Variants in CEP68 observed in about 807,000 individuals in gnomAD.
CEP68 encodes the protein centrosomal protein 68, also known as centrosomal protein of 68 kDa.
A neutral mutation model predicts 55.3 loss-of-function variants in CEP68; 26 were observed. The observed-to-expected ratio is 0.47, with a 90% CI of 0.34 to 0.65. CEP68 has a LOEUF of 0.65. Among genes scored for constraint, CEP68 ranks in the 30% least tolerant of loss-of-function variants. CEP68 has a pLI of 0.01. For synonymous variants in CEP68, 402 were observed against 383.2 expected (o/e 1.05, Z -0.57); for missense variants, 957 against 946.7 (o/e 1.01, Z -0.14).
intron 3 of CEP68, 74 bp downstream of exon 3, chr2:65,073,054 T>G (rs775718414): frequency 7.9e-6 from 12 of 1,518,056 alleles, no homozygotes; most frequent in African/African-American, 1.4e-5. Flanking sequence ...AACATCATAA[T>G]AAAACATGTT....
chr2:65,072,127 C>T lies in CEP68; in HGVS notation c.1031C>T (p.Ala344Val). The T allele has an allele frequency of 6.2e-7, 1 of 1,614,126 alleles. No homozygotes were observed. Among genetic ancestry groups the T allele is most frequent in the Non-Finnish European group, 8.5e-7 (1 of 1,180,020 alleles). Reference protein sequence around the residue: ...VDLDSFSVSPASTLKSPTNVS... With the variant: ...VDLDSFSVSPVSTLKSPTNVS... ...CTGGATAGCTTCTCTGTCTCTCCAG[C>T]AAGCACCCTCAAATCACCTACTAAT... The change falls in exon 3 of 7, where the codon GCA becomes GTA. Residue 344 changes from alanine to valine, a missense_variant. Physicochemically the swap from Ala to Val is moderately conservative, Grantham distance 64. Transcript: ENST00000377990.
chr2:65,080,889 C>G (rs1676979524), intron 5 of CEP68, among the ~76,000 whole-genome samples: 1 of 152,056 alleles, frequency 6.6e-6, no homozygotes, highest in Non-Finnish European at 1.5e-5. Flanking sequence ...TGACATCGCA[C>G]AAGAAGACTG....
rs747661116 is a variant in CEP68, at chr2:65,064,670, C to CT, written c.-46-4727dup. Among the ~76,000 whole-genome samples the CT allele has an allele frequency of 3.4e-5, 5 of 149,150 alleles. No individual in the cohort carries two copies. The South Asian group carries it at 1.1e-3, about 31-fold the overall frequency. On this transcript the variant is annotated intron_variant, in intron 1 of 6. Transcript: ENST00000377990. ...AATGGCGTGAACCCGGGAGGTGGAG[C>CT]TTGCAGTGAGCTGAGATAGCGCCAC... is the stretch of plus-strand genomic sequence containing the variant.
At chr2:65,080,133 CA>C (rs397984856) in intron 5 of CEP68, 36,968 of 513,140 alleles carry the variant, frequency 0.072, 40 homozygotes, top group Non-Finnish European at 0.082. Flanking sequence ...AATTCCTTCT[CA>C]AAAAAAAAAA....
At position 65,071,852 on chromosome 2, in the gene CEP68, T is replaced by C; in HGVS notation, c.756T>C (p.Pro252=). ...CTCGGCCCCAGTGGTCACCACAGCCTGTGTTCTCTGGGGGTGATGCTTCTG... is the reference window on the plus strand; with the variant it reads ...CTCGGCCCCAGTGGTCACCACAGCCCGTGTTCTCTGGGGGTGATGCTTCTG... The part of the protein sequence containing the change: ...LGPRPQWSPQ[P]VFSGGDASGL... Residue 252 remains proline (P), a synonymous_variant, in exon 3 of 7, where the codon CCT becomes CCC. Transcript: ENST00000377990. 2 of 1,606,282 alleles carry C rather than the reference T, an allele frequency of 1.2e-6. No homozygotes were observed. Among genetic ancestry groups the C allele is most frequent in the Non-Finnish European group, 1.7e-6 (2 of 1,175,758 alleles).
chr2:65,075,960 G>A (rs747367799), intron 4 of CEP68, among the ~76,000 whole-genome samples: 8 of 152,044 alleles, frequency 5.3e-5, no homozygotes, highest in East Asian at 2.0e-4. Context: ...CAACTAAAGT[G>A]TAGGGAGGAG....
intron 1 of CEP68, among the ~76,000 whole-genome samples, chr2:65,060,991 A>G (rs2103744564): frequency 6.6e-6 from 1 of 152,328 alleles, no homozygotes; most frequent in Admixed American, 6.5e-5. Context: ...AGCCTGGCCA[A>G]CATGGTGAAA....
rs1451496595 is a variant in CEP68, at chr2:65,072,527, A to G, written c.1431A>G (p.Glu477=). 1 of 1,614,048 alleles carries G rather than the reference A, an allele frequency of 6.2e-7. No homozygotes were observed. Among genetic ancestry groups the G allele is most frequent in the Non-Finnish European group, 8.5e-7 (1 of 1,179,998 alleles). Reference sequence around the variant, plus strand: ...GGTGGAAATCAGAAGAGGAAGTGGAAAGTGATGACGAGTATCTTGCCCTCC... The same window carrying G: ...GGTGGAAATCAGAAGAGGAAGTGGAGAGTGATGACGAGTATCTTGCCCTCC... ...ESRWKSEEEV[E]SDDEYLALPA... Residue 477 remains glutamate, a synonymous_variant, in exon 3 of 7, where the codon GAA becomes GAG. Transcript: ENST00000377990.
In CEP68 at chr2:65,065,376, G is replaced by A. The variant is rs142497082; in HGVS notation, c.-46-4023G>A. Reference sequence around the variant, plus strand: ...AGGGACTGGTGAAATAAACTAGTGCGTCCTTACACCAGAATACAGTACTGG... The same window carrying A: ...AGGGACTGGTGAAATAAACTAGTGCATCCTTACACCAGAATACAGTACTGG... On this transcript the variant is annotated intron_variant, in intron 1 of 6. Transcript: ENST00000377990. Among the ~76,000 whole-genome samples, 8 of 152,334 alleles carry A rather than the reference G, an allele frequency of 5.3e-5. No individual in the cohort carries two copies. In the East Asian group the frequency reaches 7.7e-4, roughly 15 times the overall value.
intron 1 of CEP68, among the ~76,000 whole-genome samples, chr2:65,067,728 C>G (rs771054646): frequency 4.3e-4 from 65 of 152,190 alleles, no homozygotes; most frequent in Non-Finnish European, 6.8e-4. Flanking sequence ...GAGAGACTTA[C>G]ATCTGCTGTG....
intron 1 of CEP68, among the ~76,000 whole-genome samples, chr2:65,063,424 A>G (rs1424820867): frequency 6.6e-6 from 1 of 152,218 alleles, no homozygotes; most frequent in African/African-American, 2.4e-5. Flanking sequence ...GTGCCCCATC[A>G]TGGAGCTGCT....
chr2:65,067,471 T>C (rs2103763165), intron 1 of CEP68, among the ~76,000 whole-genome samples: 1 of 152,332 alleles, frequency 6.6e-6, no homozygotes, highest in South Asian at 2.1e-4. Flanking sequence ...GCTGGTTCCC[T>C]GATTTTGTGG....
At chr2:65,067,077 A>G (rs986712864) in intron 1 of CEP68, among the ~76,000 whole-genome samples, 31 of 138,926 alleles carry the variant, frequency 2.2e-4, no homozygotes, top group Non-Finnish European at 3.6e-4. Flanking sequence ...ACTTTTATGT[A>G]AAAAAAAAAA....
At chr2:65,059,562 T>C (rs1675811676) in intron 1 of CEP68, among the ~76,000 whole-genome samples, 1 of 152,152 alleles carries the variant, frequency 6.6e-6, no homozygotes, top group Non-Finnish European at 1.5e-5. Context: ...TGCCACAAGG[T>C]GTAAGCCTTT....
At chr2:65,083,161 CAG>C in intron 6 of CEP68, among the ~76,000 whole-genome samples, 1 of 152,278 alleles carries the variant, frequency 6.6e-6, no homozygotes, top group South Asian at 2.1e-4. Context: ...TAGAGAAACC[CAG>C]AGTTACTGAT....
chr2:65,073,210 TAATTAGC>T, intron 3 of CEP68: 2 of 588,746 alleles, frequency 3.4e-6, no homozygotes, highest in Admixed American at 4.9e-5. Flanking sequence ...TGCCCACTTA[TAATTAGC>T]AAGGGCTTGA....
rs1286979315 is a variant in CEP68, at chr2:65,086,714, T to C, written c.*3080T>C. ...ACTTTAGAAAATAGTTTCTGAACTCTTTCCCCCTTTATACTGTATTAAGGC... is the reference window on the plus strand; with the variant it reads ...ACTTTAGAAAATAGTTTCTGAACTCCTTCCCCCTTTATACTGTATTAAGGC... On this transcript the variant is annotated 3_prime_UTR_variant, in exon 7 of 7. Coordinates refer to ENST00000377990, the MANE Select transcript of CEP68 (RefSeq NM_015147.3). The C allele has an allele frequency of 6.6e-6, 1 of 152,658 alleles. No homozygotes were observed. The highest frequency in any genetic ancestry group is 1.5e-5 in the Non-Finnish European group (1 of 68,054). 9.5% of individuals were successfully genotyped at this position (152,658 alleles called of 1,614,324 possible). A position where few individuals can be genotyped will look rare whatever the true frequency, so the allele number is the denominator to read the frequency against.
intron 5 of CEP68, among the ~76,000 whole-genome samples, chr2:65,079,611 A>C (rs183733453): frequency 9.8e-5 from 15 of 152,290 alleles, no homozygotes; most frequent in Non-Finnish European, 1.8e-4. Flanking sequence ...CCATGTGCCA[A>C]GCTCCTTTGC....
Position 65,071,842 on chromosome 2 carries a change from C to T in CEP68, c.746C>T (p.Ser249Leu). The stretch of plus-strand genomic sequence containing the variant: ...GGGCTAGGACCTCGGCCCCAGTGGT[C>T]ACCACAGCCTGTGTTCTCTGGGGGT... ...VVGLGPRPQW[S>L]PQPVFSGGDA... The change falls in exon 3 of 7, where the codon TCA (serine) becomes TTA (leucine). Residue 249 changes from serine (S) to leucine (L), a missense_variant. By Grantham distance (145) the Ser-to-Leu change is moderately radical. Transcript: ENST00000377990. 1 of 1,603,380 alleles carries T rather than the reference C, an allele frequency of 6.2e-7. No homozygotes were observed. The highest frequency in any genetic ancestry group is 8.5e-7 in the Non-Finnish European group (1 of 1,173,934).
Sources: allele counts gnomAD v4.1 joint callset (sites outside exome capture counted in the v4.1 genomes callset), GRCh38; gene constraint gnomAD v4.1.1; transcripts MANE v1.5; gene names NCBI Gene and HGNC (gene_info 2026-07-23, HGNC 2026-07-21).